DNAH14: variants seen among roughly 807,000 people sequenced by gnomAD.
The protein encoded by DNAH14 is dynein axonemal heavy chain 14.
Under a neutral mutation model 520.9 loss-of-function variants are expected in DNAH14, and 478 were observed. The ratio of observed to expected loss-of-function variants is 0.92; its 90% CI spans 0.85 to 0.99. The LOEUF (loss-of-function observed/expected upper bound fraction) is 0.99. Among genes scored for constraint, DNAH14 ranks in the 50% least tolerant of loss-of-function variants. The pLI is 0.00. For missense variants in DNAH14, 4,831 were observed against 5,234.5 expected, an observed-to-expected ratio of 0.92 and a Z score of 2.38; for synonymous variants, 1,581 against 1,757.2, an observed-to-expected ratio of 0.90 and a Z score of 2.51.
Position 225,308,269 on chromosome 1 carries a change from T to C in DNAH14, c.9115-16T>C. ...CTCTTAAAATTCATTCTAAGAACAA[T>C]TATGTGCTTCATTAGGAAACAGAAA... On this transcript the variant is annotated splice_polypyrimidine_tract_variant and intron_variant, in intron 59 of 85. Transcript: ENST00000682510. 6.5e-7 allele frequency: 1 copy of C among 1,530,630 alleles called. No individual in the cohort carries two copies. Among genetic ancestry groups the C allele is most frequent in the Non-Finnish European group, 8.8e-7 (1 of 1,141,616 alleles). 94.8% of individuals were successfully genotyped at this position (1,530,630 alleles called of 1,614,324 possible).
chr1:225,118,633 G>A (rs553337559), intron 25 of DNAH14, among the ~76,000 whole-genome samples: 58 of 152,072 alleles, frequency 3.8e-4, no homozygotes, highest in African/African-American at 1.3e-3. Flanking sequence ...CTGTAATCCC[G>A]ACACTTTGGG....
At chr1:225,040,424 A>G (rs1244456442) in intron 12 of DNAH14, among the ~76,000 whole-genome samples, 1 of 152,210 alleles carries the variant, frequency 6.6e-6, no homozygotes, top group Non-Finnish European at 1.5e-5. Flanking sequence ...ACTTTCGTAT[A>G]TGTATATTTC....
At chr1:225,008,503 T>A (rs2929629) in intron 10 of DNAH14, among the ~76,000 whole-genome samples, 137,117 of 151,608 alleles carry the variant, frequency 0.9, 63,560 homozygotes, top group East Asian at 1. Context: ...TTCCACAATG[T>A]TCAAACTAAT....
At chr1:224,935,736 C>T (rs569263596) in intron 1 of DNAH14, among the ~76,000 whole-genome samples, 10 of 151,902 alleles carry the variant, frequency 6.6e-5, no homozygotes, top group African/African-American at 1.4e-4. Flanking sequence ...ATTTGCAGAA[C>T]GTTCTGTCCA....
chr1:224,969,390 G>C (rs1256768586), intron 7 of DNAH14: 1 of 156,298 alleles, frequency 6.4e-6, no homozygotes. Flanking sequence ...ATAGTCTATT[G>C]TTGACAAGAA....
At chr1:225,070,627 T>G (rs2071444531) in intron 17 of DNAH14, among the ~76,000 whole-genome samples, 1 of 152,166 alleles carries the variant, frequency 6.6e-6, no homozygotes, top group Non-Finnish European at 1.5e-5. Context: ...TACTCCTGAT[T>G]ATGTGATCTA....
chr1:225,027,312 G>A (rs146477922), intron 11 of DNAH14, among the ~76,000 whole-genome samples: 12 of 152,174 alleles, frequency 7.9e-5, no homozygotes, highest in African/African-American at 2.6e-4. Flanking sequence ...TGGTGAAAGC[G>A]AACATCCCTG....
rs773127666 is a variant in DNAH14, at chr1:225,380,241, G to A, written c.12799G>A (p.Glu4267Lys). The change falls in exon 80 of 86, where the codon GAA becomes AAA. Residue 4267 changes from glutamate (E) to lysine (K), a missense_variant. Physicochemically the swap from Glu to Lys is moderately conservative, Grantham distance 56 (BLOSUM62 1). Transcript: ENST00000682510. ...GCTGCCACTGACAGTGGAGAAAGAA[G>A]AAATTGCTGTTGGAACTCCAAGCAC... ...KRLPLTVEKE[E>K]IAVGTPSTLK... 2.6e-6 allele frequency: 4 copies of A among 1,551,688 alleles called. No homozygotes were observed. The South Asian group carries it at 3.6e-5, about 14-fold the overall frequency.
intron 27 of DNAH14, among the ~76,000 whole-genome samples, chr1:225,128,845 A>T (rs80036661): frequency 1.3e-5 from 2 of 149,106 alleles, no homozygotes; most frequent in Non-Finnish European, 2.9e-5. Flanking sequence ...TGAAATAAAG[A>T]GTATTCAATT....
chr1:225,127,353 G>A (rs2077843594), intron 27 of DNAH14, among the ~76,000 whole-genome samples: 1 of 151,632 alleles, frequency 6.6e-6, no homozygotes, highest in African/African-American at 2.4e-5. Context: ...AAGTCTCTTT[G>A]TAGGTCACTC....
chr1:225,352,938 C>T (rs1470055231), intron 72 of DNAH14, among the ~76,000 whole-genome samples: 1 of 151,904 alleles, frequency 6.6e-6, no homozygotes, highest in Non-Finnish European at 1.5e-5. Context: ...ATTTGGGACC[C>T]ATAATTTATT....
At chr1:225,388,539 C>A in intron 82 of DNAH14, 48 bp downstream of exon 82, 1 of 1,159,538 alleles carries the variant, frequency 8.6e-7, no homozygotes, top group Non-Finnish European at 1.2e-6. Context: ...TTGCTTAAAG[C>A]CCAAAGGTTT....
intron 31 of DNAH14, among the ~76,000 whole-genome samples, chr1:225,147,535 T>C (rs1375244343): frequency 6.6e-6 from 1 of 152,218 alleles, no homozygotes; most frequent in East Asian, 1.9e-4. Flanking sequence ...GATGCAAATA[T>C]ATTTTAATTT....
chr1:224,970,382 G>A (rs1013656096), intron 7 of DNAH14, among the ~76,000 whole-genome samples: 4 of 151,998 alleles, frequency 2.6e-5, no homozygotes, highest in African/African-American at 4.8e-5. Context: ...TTTTAATTTC[G>A]CCCCGGTCCT....
intron 69 of DNAH14, among the ~76,000 whole-genome samples, chr1:225,341,496 G>A (rs901139749): frequency 7.2e-5 from 11 of 151,896 alleles, no homozygotes; most frequent in South Asian, 4.2e-4. Context: ...GAGAAACCCC[G>A]TCTCTACTAA....
chr1:225,171,493 T>C (rs2149228305), intron 36 of DNAH14, among the ~76,000 whole-genome samples: 1 of 152,196 alleles, frequency 6.6e-6, no homozygotes, highest in East Asian at 1.9e-4. Flanking sequence ...TATAAACACC[T>C]CTATGCAAAT....
chr1:225,349,949 T>A (rs2150456719), intron 71 of DNAH14, among the ~76,000 whole-genome samples: 1 of 152,226 alleles, frequency 6.6e-6, no homozygotes, highest in South Asian at 2.1e-4. Context: ...ATCAACTGGA[T>A]CAAACAGACA....
chr1:225,393,841 C>T (rs2095960997), intron 84 of DNAH14, among the ~76,000 whole-genome samples: 2 of 146,486 alleles, frequency 1.4e-5, no homozygotes, highest in Admixed American at 6.8e-5. Context: ...TTTTTTGAGA[C>T]GGAGTCTTGC....
intron 51 of DNAH14, 119 bp from the exon 52 acceptor site, chr1:225,272,836 T>C (rs1384120103): frequency 9.9e-7 from 1 of 1,009,070 alleles, no homozygotes; most frequent in Non-Finnish European, 1.4e-6. Context: ...TTCACAATTC[T>C]TACCTTGGAT....
Sources: allele counts gnomAD v4.1 joint callset (sites outside exome capture counted in the v4.1 genomes callset), GRCh38; gene constraint gnomAD v4.1.1; transcripts MANE v1.5; gene names NCBI Gene and HGNC (gene_info 2026-07-23, HGNC 2026-07-21).